GNAI1: variants seen among roughly 807,000 people sequenced by gnomAD.
GNAI1 encodes the protein G protein subunit alpha i1.
GNAI1 carries 11 observed loss-of-function variants against 38.9 expected under a neutral mutation model. The observed-to-expected ratio is 0.28, with a 90% CI of 0.18 to 0.47. GNAI1 has a LOEUF of 0.47. GNAI1 is among the 20% of genes least tolerant of loss of function. The pLI, the probability that GNAI1 is intolerant of heterozygous loss-of-function variation, is 0.99. For missense variants in GNAI1, 317 were observed against 436.9 expected (o/e 0.73, Z 2.45); for synonymous variants, 166 against 145.1 (o/e 1.14, Z -1.04).
In GNAI1 at chr7:80,218,134, A is replaced by T. The variant is rs1789005349; in HGVS notation, c.*641A>T. On this transcript the variant is annotated 3_prime_UTR_variant, in exon 8 of 8. Coordinates refer to ENST00000649796, the MANE Select transcript of GNAI1 (RefSeq NM_002069.6). ...AGATGAATACACCTGCCTTTGGATCAACTATTTAAACATTGTATGCATTTT... is the reference window on the plus strand; with the variant it reads ...AGATGAATACACCTGCCTTTGGATCTACTATTTAAACATTGTATGCATTTT... 2.0e-5 allele frequency: 3 copies of T among 152,464 alleles called. No homozygotes were observed. In the South Asian group the frequency reaches 6.2e-4, roughly 32 times the overall value. The allele number at this position is 152,464 out of a possible 1,614,324, so 9.4% of individuals were successfully genotyped here.
chr7:80,214,606 C>G (rs1788929013), intron 7 of GNAI1, among the ~76,000 whole-genome samples: 1 of 152,160 alleles, frequency 6.6e-6, no homozygotes, highest in South Asian at 2.1e-4. Context: ...TTTCACATCC[C>G]CAGAGTTAAG....
intron 1 of GNAI1, among the ~76,000 whole-genome samples, chr7:80,153,383 T>C (rs912278583): frequency 2.0e-5 from 3 of 152,198 alleles, no homozygotes; most frequent in Admixed American, 6.5e-5. Context: ...CTAATAACTT[T>C]TAAAGTATGT....
intron 7 of GNAI1, among the ~76,000 whole-genome samples, chr7:80,214,402 A>G (rs1046290889): frequency 4.6e-5 from 7 of 152,096 alleles, no homozygotes; most frequent in East Asian, 1.9e-4. Flanking sequence ...GTACTAATTC[A>G]TAGTACCAGA....
At chr7:80,169,402 CCTAT>C (rs917882559) in intron 1 of GNAI1, among the ~76,000 whole-genome samples, 4 of 152,140 alleles carry the variant, frequency 2.6e-5, no homozygotes, top group African/African-American at 9.7e-5. Flanking sequence ...AAACACCACC[CCTAT>C]CTATTAGGTA....
intron 1 of GNAI1, among the ~76,000 whole-genome samples, chr7:80,170,075 G>A (rs1251748697): frequency 2.0e-5 from 3 of 152,118 alleles, no homozygotes; most frequent in Non-Finnish European, 4.4e-5. Flanking sequence ...ATCCGTTGAT[G>A]GACAGTTGTC....
At position 80,135,103 on chromosome 7, in the gene GNAI1, G is replaced by A. The variant is rs1280951481; in HGVS notation, c.-58G>A. ...TAGGAGAGAGAAAGGATTCCCCTGT[G>A]CTTGGAGCCCGCACTCGGGCGCGGA... On this transcript the variant is annotated 5_prime_UTR_variant, in exon 1 of 8. Coordinates refer to ENST00000649796, the MANE Select transcript of GNAI1 (RefSeq NM_002069.6). 8.2e-7 allele frequency: 1 copy of A among 1,218,138 alleles called. No individual in the cohort carries two copies. 75.5% of individuals were successfully genotyped at this position (1,218,138 alleles called of 1,614,324 possible). A position where few individuals can be genotyped will look rare whatever the true frequency, so the allele number is the denominator to read the frequency against.
intron 1 of GNAI1, among the ~76,000 whole-genome samples, chr7:80,158,824 C>T (rs190275512): frequency 3.9e-5 from 6 of 152,308 alleles, no homozygotes; most frequent in African/African-American, 9.6e-5. Flanking sequence ...CAAATTCCTC[C>T]CAGTTCATCC....
Position 80,155,461 on chromosome 7 carries a change from C to T in GNAI1, c.118+20183C>T, listed in dbSNP as rs941266819. Among the ~76,000 whole-genome samples, 5 of 152,144 alleles carry T rather than the reference C, an allele frequency of 3.3e-5. No homozygotes were observed. In the East Asian group the frequency reaches 7.7e-4, roughly 24 times the overall value. On this transcript the variant is annotated intron_variant, in intron 1 of 7. Transcript: ENST00000649796. Reference sequence around the variant, plus strand: ...ATTAAATAGAGTTTTCAGTGATTTCCGTTAGGTAGTTAGAGGTTATGTTTT... The same window carrying T: ...ATTAAATAGAGTTTTCAGTGATTTCTGTTAGGTAGTTAGAGGTTATGTTTT...
At chr7:80,140,134 C>T (rs902281918) in intron 1 of GNAI1, among the ~76,000 whole-genome samples, 6 of 152,076 alleles carry the variant, frequency 3.9e-5, no homozygotes, top group Non-Finnish European at 7.4e-5. Context: ...CAGGTGCCTG[C>T]CACCACGCCC....
At chr7:80,176,370 A>T (rs1178371432) in intron 1 of GNAI1, among the ~76,000 whole-genome samples, 2 of 152,254 alleles carry the variant, frequency 1.3e-5, no homozygotes, top group Non-Finnish European at 2.9e-5. Context: ...GCAAGTGCTG[A>T]TGTAGAAGCA....
intron 1 of GNAI1, among the ~76,000 whole-genome samples, chr7:80,145,761 C>G (rs77416740): frequency 0.014 from 2,166 of 152,068 alleles, 48 homozygotes; most frequent in African/African-American, 0.047. Flanking sequence ...AAATTGTGTC[C>G]TCTTATAATT....
At chr7:80,165,622 T>A (rs1787999688) in intron 1 of GNAI1, among the ~76,000 whole-genome samples, 1 of 152,200 alleles carries the variant, frequency 6.6e-6, no homozygotes, top group African/African-American at 2.4e-5. Flanking sequence ...TCTCTTTCTC[T>A]TGTGAAATTG....
At chr7:80,195,847 T>A (rs543096929) in intron 3 of GNAI1, among the ~76,000 whole-genome samples, 4 of 152,052 alleles carry the variant, frequency 2.6e-5, no homozygotes, top group South Asian at 4.2e-4. Flanking sequence ...TTGATTATTT[T>A]AAAAAAAATT....
chr7:80,178,829 A>C (rs1305584954), intron 1 of GNAI1, among the ~76,000 whole-genome samples: 1 of 152,208 alleles, frequency 6.6e-6, no homozygotes, highest in African/African-American at 2.4e-5. Flanking sequence ...AGAAAACTTC[A>C]TAGAAATCGT....
intron 1 of GNAI1, among the ~76,000 whole-genome samples, chr7:80,168,196 C>G (rs1364993061): frequency 1.3e-5 from 2 of 152,080 alleles, no homozygotes; most frequent in Non-Finnish European, 2.9e-5. Flanking sequence ...TGGCATTTGA[C>G]AGGTGCTCTA....
In GNAI1 at chr7:80,223,114, A is replaced by T. The variant is rs1789107582; in HGVS notation, c.*5621A>T. 6.6e-6 allele frequency among the ~76,000 whole-genome samples: 1 copy of T among 152,210 alleles called. No individual in the cohort carries two copies. Among genetic ancestry groups the T allele is most frequent in the Admixed American group, 6.5e-5 (1 of 15,280 alleles). ...ACTGAATGCATACCAGTTTCGCACCAATGTAAAGTTGAAAAATTGTTAAGT... is the reference window on the plus strand; with the variant it reads ...ACTGAATGCATACCAGTTTCGCACCTATGTAAAGTTGAAAAATTGTTAAGT... On this transcript the variant is annotated 3_prime_UTR_variant, in exon 8 of 8. Transcript: ENST00000649796.
At chr7:80,140,009 A>G (rs1175193708) in intron 1 of GNAI1, among the ~76,000 whole-genome samples, 2 of 119,832 alleles carry the variant, frequency 1.7e-5, no homozygotes, top group Non-Finnish European at 3.2e-5. Context: ...TTTTTGACGG[A>G]GTCTTGCTCT....
chr7:80,150,727 T>G (rs1361502704), intron 1 of GNAI1, among the ~76,000 whole-genome samples: 1 of 152,234 alleles, frequency 6.6e-6, no homozygotes, highest in African/African-American at 2.4e-5. Flanking sequence ...ATTTCGTAAA[T>G]AAACAGAACT....
In GNAI1 at chr7:80,183,624, AT is replaced by A. The variant is rs1788335136; in HGVS notation, c.119-5320del. On this transcript the variant is annotated intron_variant, in intron 1 of 7. Coordinates refer to ENST00000649796, the MANE Select transcript of GNAI1 (RefSeq NM_002069.6). ...ACCCTAAGCAAAAGTTGACCAAAGG[AT>A]TTTTTTCTTTGAAAGAAAAAAAAAA... 2.0e-5 allele frequency among the ~76,000 whole-genome samples: 3 copies of A among 151,484 alleles called. No individual in the cohort carries two copies. The South Asian group carries it at 6.3e-4, about 32-fold the overall frequency.
Sources: gnomAD v4.1 joint callset for allele counts (sites outside exome capture counted in the v4.1 genomes callset) on GRCh38, gnomAD v4.1.1 for gene constraint, MANE v1.5 for transcripts, NCBI Gene and HGNC (gene_info 2026-07-23, HGNC 2026-07-21) for gene names.